Variants in NAT10 observed in about 807,000 individuals in gnomAD.
NAT10 encodes the protein N-acetyltransferase 10, also known as RNA cytidine acetyltransferase.
Under a neutral mutation model 132.2 loss-of-function variants are expected in NAT10, and 109 were observed. The ratio of observed to expected loss-of-function variants is 0.82; its 90% CI spans 0.71 to 0.97. NAT10 has a LOEUF of 0.97. Among genes scored for constraint, NAT10 ranks in the 50% least tolerant of loss-of-function variants. NAT10 has a pLI of 0.00. For missense variants in NAT10, 1,184 were observed against 1,263.4 expected (o/e 0.94, Z 0.95); for synonymous variants, 479 against 478.0 (o/e 1.00, Z -0.03).
At chr11:34,133,555 TCTG>T (rs1167985645) in intron 16 of NAT10, among the ~76,000 whole-genome samples, 83 of 152,230 alleles carry the variant, frequency 5.5e-4, no homozygotes, top group Admixed American at 4.3e-3. Flanking sequence ...TACATAGTAA[TCTG>T]CTTTTATTTT....
intron 19 of NAT10, among the ~76,000 whole-genome samples, chr11:34,136,140 G>A (rs1008012362): frequency 1.3e-5 from 2 of 149,736 alleles, no homozygotes; most frequent in African/African-American, 2.5e-5. Flanking sequence ...GGAGTGTAAT[G>A]GCGTGATCTC....
intron 24 of NAT10, among the ~76,000 whole-genome samples, chr11:34,140,851 T>C (rs1234984196): frequency 6.6e-6 from 1 of 151,988 alleles, no homozygotes; most frequent in Non-Finnish European, 1.5e-5. Flanking sequence ...CATCCCAAAC[T>C]TTTAATGTAG....
At position 34,112,007 on chromosome 11, in the gene NAT10, C is replaced by T. The variant is rs77648619; in HGVS notation, c.201-45C>T. ...TCCCCTGGTTCCAGCTCTTTAGCTG[C>T]TCTGGTTAACTGGCTCTCATGGGAT... On this transcript the variant is annotated intron_variant, in intron 3 of 28. Transcript: ENST00000257829. The T allele has an allele frequency of 3.1e-3, 5,027 of 1,607,232 alleles. 107 individuals are homozygous for T. In the African/African-American group the frequency reaches 0.059, roughly 19 times the overall value.
intron 21 of NAT10, among the ~76,000 whole-genome samples, chr11:34,137,617 T>C (rs953428464): frequency 6.6e-6 from 1 of 152,264 alleles, no homozygotes; most frequent in African/African-American, 2.4e-5. Flanking sequence ...TGTTCATTGC[T>C]GTATTCCTCG....
intron 16 of NAT10, 112 bp downstream of exon 16, chr11:34,133,254 C>T (rs749667170): frequency 2.3e-4 from 197 of 864,538 alleles, no homozygotes; most frequent in Admixed American, 2.8e-4. Context: ...GAGTCCTGGT[C>T]TGGAACCAAG....
chr11:34,130,744 A>G (rs1294602939), intron 12 of NAT10, 69 bp from the exon 13 acceptor site: 3 of 1,564,896 alleles, frequency 1.9e-6, no homozygotes, highest in Admixed American at 1.7e-5. Context: ...GGAGGAAAGC[A>G]GCTCTCTGTC....
At position 34,146,232 on chromosome 11, in the gene NAT10, A is replaced by G; in HGVS notation, c.*40A>G. 1.4e-6 allele frequency: 2 copies of G among 1,422,256 alleles called. No individual in the cohort carries two copies. Among genetic ancestry groups the G allele is most frequent in the Non-Finnish European group, 1.9e-6 (2 of 1,032,676 alleles). The allele number at this position is 1,422,256 out of a possible 1,614,324, so 88.1% of individuals were successfully genotyped here. ...GGCATCTGTGTTTGATCATGGGAAGATACTCTCACTAACTGAACCCTCTCT... is the reference window on the plus strand; with the variant it reads ...GGCATCTGTGTTTGATCATGGGAAGGTACTCTCACTAACTGAACCCTCTCT... On this transcript the variant is annotated 3_prime_UTR_variant, in exon 29 of 29. Coordinates refer to ENST00000257829, the MANE Select transcript of NAT10 (RefSeq NM_024662.3).
At chr11:34,138,853 C>CT (rs2132978300) in intron 21 of NAT10, 1 of 247,622 alleles carries the variant, frequency 4.0e-6, no homozygotes, top group African/African-American at 2.2e-5. Flanking sequence ...GCCCTAATGA[C>CT]TGAGTTCAGC....
intron 11 of NAT10, among the ~76,000 whole-genome samples, 161 bp downstream of exon 11, chr11:34,124,561 C>T (rs543979316): frequency 3.3e-5 from 5 of 152,318 alleles, no homozygotes; most frequent in African/African-American, 1.2e-4. Context: ...TTTTCAGACT[C>T]TTCTAAAGAA....
At chr11:34,109,480 G>A (rs1851656051) in intron 3 of NAT10, among the ~76,000 whole-genome samples, 1 of 152,114 alleles carries the variant, frequency 6.6e-6, no homozygotes, top group Admixed American at 6.6e-5. Context: ...CTATAATTGT[G>A]ATCAAATTGT....
chr11:34,112,277 G>A (rs1851709604), intron 4 of NAT10, 54 bp downstream of exon 4: 5 of 1,602,530 alleles, frequency 3.1e-6, no homozygotes, highest in African/African-American at 1.3e-5. Flanking sequence ...GGGTTGCTTG[G>A]GCTGCCTGGC....
At chr11:34,116,481 C>T (rs56693007) in intron 6 of NAT10, among the ~76,000 whole-genome samples, 15,518 of 151,896 alleles carry the variant, frequency 0.1, 854 homozygotes, top group African/African-American at 0.15. Context: ...TGTAGTGGTG[C>T]GATTTTGGCT....
chr11:34,112,144 C>T lies in NAT10; in HGVS notation c.293C>T (p.Ala98Val), dbSNP rs748538256. ...KQDDPFELFI[A>V]ATNIRYCYYN... Reference sequence around the variant, plus strand: ...GACGACCCCTTTGAACTCTTCATAGCAGCCACAAACATTCGCTACTGCTAC... The same window carrying T: ...GACGACCCCTTTGAACTCTTCATAGTAGCCACAAACATTCGCTACTGCTAC... The change falls in exon 4 of 29, where the codon GCA becomes GTA. Residue 98 changes from alanine (A) to valine (V), a missense_variant. By Grantham distance (64) the Ala-to-Val change is moderately conservative. Transcript: ENST00000257829. 2.7e-5 allele frequency: 44 copies of T among 1,614,130 alleles called. No individual in the cohort carries two copies. The East Asian group carries it at 6.9e-4, about 25-fold the overall frequency.
intron 11 of NAT10, among the ~76,000 whole-genome samples, chr11:34,127,216 A>C (rs1171748756): frequency 6.6e-6 from 1 of 152,224 alleles, no homozygotes; most frequent in Admixed American, 6.5e-5. Flanking sequence ...GAGGAGTCTG[A>C]GGCACTGTGG....
At chr11:34,139,087 C>T (rs1302754651) in intron 21 of NAT10, 104 bp from the exon 22 acceptor site, 10 of 1,063,502 alleles carry the variant, frequency 9.4e-6, no homozygotes, top group African/African-American at 3.1e-5. Context: ...GAGAGGCCTG[C>T]GGAAGCACTA....
chr11:34,116,563 G>C (rs1198591120), intron 6 of NAT10, among the ~76,000 whole-genome samples: 1 of 151,312 alleles, frequency 6.6e-6, no homozygotes. Context: ...GATTACAGGT[G>C]CCCGCCACCA....
In NAT10 at chr11:34,141,408, T is replaced by TCACACACACACACA. The variant is rs59489457; in HGVS notation, c.2712+230_2712+243dup. ...TGTGTTTGCTGCATCTCATCACACA[T>TCACACACACACACA]CACACACACACACACACACACACAC... is the stretch of plus-strand genomic sequence containing the variant. On this transcript the variant is annotated intron_variant, in intron 25 of 28. Transcript: ENST00000257829. 1.7e-3 allele frequency among the ~76,000 whole-genome samples: 228 copies of TCACACACACACACA among 132,926 alleles called. 2 individuals carry two copies. Among genetic ancestry groups the TCACACACACACACA allele is most frequent in the African/African-American group, 6.2e-3 (218 of 35,154 alleles). The allele number at this position is 132,926 out of a possible 152,430, so 87.2% of individuals were successfully genotyped here.
chr11:34,127,301 T>C (rs1276992014), intron 11 of NAT10, among the ~76,000 whole-genome samples, 162 bp from the exon 12 acceptor site: 1 of 151,976 alleles, frequency 6.6e-6, no homozygotes, highest in Non-Finnish European at 1.5e-5. Flanking sequence ...TCCAAGCCCA[T>C]CCCATTTTTG....
In NAT10 at chr11:34,141,183, A is replaced by G. The variant is rs766062723; in HGVS notation, c.2687A>G (p.Asn896Ser). The G allele has an allele frequency of 7.4e-6, 12 of 1,614,000 alleles. No individual in the cohort carries two copies. The Admixed American group carries it at 1.8e-4, about 25-fold the overall frequency. The change falls in exon 25 of 29, where the codon AAC (asparagine) becomes AGC (serine). Residue 896 changes from asparagine to serine, a missense_variant. By Grantham distance (46) the Asn-to-Ser change is conservative (BLOSUM62 1). Coordinates refer to ENST00000257829, the MANE Select transcript of NAT10 (RefSeq NM_024662.3). Reference sequence around the variant, plus strand: ...TCGGGCCAGTTGATGGGACTTTTCAACCGGATCATCCGCAAAGTTGTGAAG... The same window carrying G: ...TCGGGCCAGTTGATGGGACTTTTCAGCCGGATCATCCGCAAAGTTGTGAAG... Reference protein sequence around the residue: ...LPSGQLMGLFNRIIRKVVKLF... With the variant: ...LPSGQLMGLFSRIIRKVVKLF...
Sources: gnomAD v4.1 joint callset for allele counts (sites outside exome capture counted in the v4.1 genomes callset) on GRCh38, gnomAD v4.1.1 for gene constraint, MANE v1.5 for transcripts, NCBI Gene and HGNC (gene_info 2026-07-23, HGNC 2026-07-21) for gene names.